The following IMPG1 variants were observed in gnomAD, a reference collection of about 807,000 sequenced individuals.
IMPG1 encodes the protein interphotoreceptor matrix proteoglycan of 150 kDa.
IMPG1 carries 85 observed loss-of-function variants against 92.0 expected under a neutral mutation model. That is an observed-to-expected ratio of 0.92 (90% CI 0.78 to 1.11). The LOEUF is 1.11. Among genes scored for constraint, IMPG1 ranks in the 50% least tolerant of loss-of-function variants. The pLI is 0.00. For synonymous variants in IMPG1, 367 were observed against 334.1 expected (o/e 1.10, Z -1.08); for missense variants, 1,022 against 956.0 (o/e 1.07, Z -0.91).
intron 1 of IMPG1, among the ~76,000 whole-genome samples, chr6:76,060,137 G>T (rs1019783444): frequency 2.0e-5 from 3 of 152,170 alleles, no homozygotes; most frequent in African/African-American, 7.2e-5. Flanking sequence ...CTATGGTGAA[G>T]AGAATTAAGA....
chr6:76,038,205 C>T (rs1034568592), intron 2 of IMPG1, among the ~76,000 whole-genome samples: 4 of 152,170 alleles, frequency 2.6e-5, no homozygotes, highest in South Asian at 2.1e-4. Flanking sequence ...TGTGCATCTT[C>T]CTAGTTCTGC....
chr6:75,973,937 G>A (rs1029924156), intron 12 of IMPG1, among the ~76,000 whole-genome samples: 1 of 152,224 alleles, frequency 6.6e-6, no homozygotes, highest in Non-Finnish European at 1.5e-5. Context: ...GGAATGTGGT[G>A]AGGAGCAAAG....
intron 2 of IMPG1, among the ~76,000 whole-genome samples, chr6:76,039,335 A>G (rs1783795102): frequency 1.3e-5 from 2 of 151,430 alleles, no homozygotes; most frequent in Middle Eastern, 3.4e-3. Context: ...GCACACTTAA[A>G]TGTGAAAGAA....
intron 14 of IMPG1, among the ~76,000 whole-genome samples, chr6:75,936,699 G>C (rs899391023): frequency 1.6e-4 from 25 of 152,174 alleles, no homozygotes; most frequent in African/African-American, 4.8e-4. Flanking sequence ...TTGAAGAATT[G>C]TCTCAGCTTT....
intron 1 of IMPG1, among the ~76,000 whole-genome samples, chr6:76,059,471 T>C (rs1784169898): frequency 6.6e-6 from 1 of 152,054 alleles, no homozygotes; most frequent in African/African-American, 2.4e-5. Context: ...AGCTGAAGGA[T>C]CTGACCAGCT....
intron 12 of IMPG1, among the ~76,000 whole-genome samples, chr6:75,963,246 A>G (rs1468198381): frequency 6.6e-6 from 1 of 152,224 alleles, no homozygotes; most frequent in African/African-American, 2.4e-5. Flanking sequence ...TGGAACGTCA[A>G]TAAATGATGT....
chr6:75,938,044 G>A (rs577129338), intron 14 of IMPG1, among the ~76,000 whole-genome samples: 5 of 152,182 alleles, frequency 3.3e-5, no homozygotes, highest in Non-Finnish European at 5.9e-5. Context: ...TGACTTACTC[G>A]GTTTTTCAGT....
intron 5 of IMPG1, among the ~76,000 whole-genome samples, chr6:76,024,554 C>A (rs1051404221): frequency 6.6e-6 from 1 of 152,020 alleles, no homozygotes; most frequent in Non-Finnish European, 1.5e-5. Context: ...GAGACAGGTT[C>A]TTGTCTTTTC....
rs375185954 is a variant in IMPG1, at chr6:75,951,043, G to A, written c.1343C>T (p.Pro448Leu). The A allele has an allele frequency of 3.8e-5, 61 of 1,613,588 alleles. No homozygotes were observed. The highest frequency in any genetic ancestry group is 6.7e-5 in the Admixed American group (4 of 59,952). The change falls in exon 13 of 17, where the codon CCA becomes CTA. Residue 448 changes from proline (P) to leucine (L), a missense_variant. By Grantham distance (98) the Pro-to-Leu change is moderately conservative (BLOSUM62 -3). This residue lies in a region of IMPG1 where 681 missense variants were observed against 583.6 expected (regional missense o/e 1.17). Transcript: ENST00000369950. Reference sequence around the variant, plus strand: ...GATGCTTGATGCCATAAAGAAAGGTGGAGCTTCTGACAGGGAGGTAGAGGC... The same window carrying A: ...GATGCTTGATGCCATAAAGAAAGGTAGAGCTTCTGACAGGGAGGTAGAGGC... ...AMASTSLSEA[P>L]PFFMASSIFS...
intron 12 of IMPG1, among the ~76,000 whole-genome samples, chr6:75,997,821 G>C (rs1196853679): frequency 7.9e-5 from 12 of 152,096 alleles, no homozygotes; most frequent in Admixed American, 7.9e-4. Flanking sequence ...AGTCTTGGAG[G>C]GATTCCAGAC....
chr6:75,930,312 A>G (rs2149449962), intron 15 of IMPG1, among the ~76,000 whole-genome samples: 1 of 152,354 alleles, frequency 6.6e-6, no homozygotes, highest in Non-Finnish European at 1.5e-5. Flanking sequence ...TCTAAGTTAA[A>G]AAAAGAGGAC....
At chr6:76,058,011 G>A (rs951273984) in intron 1 of IMPG1, among the ~76,000 whole-genome samples, 13 of 151,892 alleles carry the variant, frequency 8.6e-5, no homozygotes, top group African/African-American at 3.1e-4. Context: ...ATAAAATAGG[G>A]TTGTGGTTTT....
At chr6:75,945,834 T>C (rs1781918083) in intron 14 of IMPG1, among the ~76,000 whole-genome samples, 1 of 152,138 alleles carries the variant, frequency 6.6e-6, no homozygotes, top group Non-Finnish European at 1.5e-5. Flanking sequence ...AGACACTACT[T>C]AAGTGGCATC....
chr6:76,013,756 A>G (rs1039377572), intron 7 of IMPG1, among the ~76,000 whole-genome samples: 1 of 152,192 alleles, frequency 6.6e-6, no homozygotes, highest in Non-Finnish European at 1.5e-5. Context: ...CATTCTCTAA[A>G]TTCACTACCA....
intron 12 of IMPG1, among the ~76,000 whole-genome samples, chr6:76,002,502 T>C (rs973357459): frequency 3.9e-5 from 6 of 152,204 alleles, no homozygotes; most frequent in African/African-American, 1.4e-4. Context: ...GGAATACATA[T>C]AGTGATTGTA....
intron 15 of IMPG1, chr6:75,928,516 T>G (rs1021167263): frequency 6.6e-6 from 1 of 152,220 alleles, no homozygotes; most frequent in Non-Finnish European, 1.5e-5. Context: ...ACATGTTGGC[T>G]GGTCTGAACA....
chr6:76,004,074 A>G, intron 10 of IMPG1, 124 bp from the exon 11 acceptor site: 5 of 660,842 alleles, frequency 7.6e-6, no homozygotes, highest in Non-Finnish European at 1.0e-5. Context: ...ACAACAAATC[A>G]TTAGGAAACC....
intron 4 of IMPG1, among the ~76,000 whole-genome samples, chr6:76,027,299 A>G (rs1170293933): frequency 6.6e-6 from 1 of 152,190 alleles, no homozygotes; most frequent in East Asian, 1.9e-4. Flanking sequence ...TGGCTTCACA[A>G]TAGGTAAGGC....
At chr6:75,986,574 G>A (rs867353434) in intron 12 of IMPG1, among the ~76,000 whole-genome samples, 21 of 152,264 alleles carry the variant, frequency 1.4e-4, no homozygotes, top group South Asian at 8.3e-4. Flanking sequence ...GAAAATGGCC[G>A]TATAGGAGAA....
Sources: allele counts gnomAD v4.1 joint callset (sites outside exome capture counted in the v4.1 genomes callset), GRCh38; gene constraint gnomAD v4.1.1; regional missense constraint gnomAD v4.1.1; transcripts MANE v1.5; gene names NCBI Gene and HGNC (gene_info 2026-07-23, HGNC 2026-07-21).